Variants in BACH2 observed in about 807,000 individuals in gnomAD.
BACH2 encodes transcription regulator protein BACH2.
BACH2 carries 5 observed loss-of-function variants against 61.8 expected under a neutral mutation model. That is an observed-to-expected ratio of 0.08 (90% CI 0.04 to 0.17). BACH2 has a LOEUF of 0.17. Ranked by LOEUF, BACH2 falls within the 10% of genes least tolerant of loss-of-function variation. The probability of loss-of-function intolerance (pLI) is 1.00; values close to 1 mark genes in which losing one functional copy is unlikely to be tolerated. For missense variants in BACH2, 824 were observed against 1,091.1 expected (o/e 0.76, Z 3.45); for synonymous variants, 446 against 440.1 (o/e 1.01, Z -0.17).
At chr6:90,103,190 A>G (rs1403911803) in intron 4 of BACH2, among the ~76,000 whole-genome samples, 1 of 151,662 alleles carries the variant, frequency 6.6e-6, no homozygotes, top group African/African-American at 2.4e-5. Context: ...GGATCAAAAT[A>G]TCACACTTTG....
In BACH2 at chr6:90,032,277, A is replaced by G. The variant is rs1185928915; in HGVS notation, c.-12-23421T>C. ...CCTAAAAGAAAACCTAGGCAATACC[A>G]TTCAGGACATAGGCATGGGCAAGTA... is the stretch of plus-strand genomic sequence containing the variant. On this transcript the variant is annotated intron_variant, in intron 5 of 8. Transcript: ENST00000257749. 2.0e-5 allele frequency among the ~76,000 whole-genome samples: 3 copies of G among 149,982 alleles called. No individual in the cohort carries two copies. In the East Asian group the frequency reaches 5.9e-4, roughly 30 times the overall value.
intron 6 of BACH2, among the ~76,000 whole-genome samples, chr6:89,996,231 T>C (rs1264151295): frequency 6.6e-6 from 1 of 152,204 alleles, no homozygotes; most frequent in Admixed American, 6.5e-5. Flanking sequence ...TTGGTATCTC[T>C]GAAAGGCCCC....
At chr6:90,029,118 C>A (rs116917379) in intron 5 of BACH2, among the ~76,000 whole-genome samples, 3 of 152,166 alleles carry the variant, frequency 2.0e-5, no homozygotes, top group Non-Finnish European at 4.4e-5. Context: ...CCCAGACTCT[C>A]CCGGCCTGCT....
chr6:89,962,705 C>T (rs1379440045), intron 6 of BACH2, among the ~76,000 whole-genome samples: 2 of 152,120 alleles, frequency 1.3e-5, no homozygotes, highest in Non-Finnish European at 2.9e-5. Context: ...TAATTTCTAC[C>T]TTTTTCTTGT....
At chr6:90,256,337 T>G (rs1770977960) in intron 2 of BACH2, among the ~76,000 whole-genome samples, 1 of 152,228 alleles carries the variant, frequency 6.6e-6, no homozygotes, top group Non-Finnish European at 1.5e-5. Context: ...TTTCTAGGCC[T>G]AATTTCTATG....
rs895986220 is a variant in BACH2, at chr6:90,282,889, G to C, written c.-445-10948C>G. Among the ~76,000 whole-genome samples the C allele has an allele frequency of 2.6e-5, 4 of 152,334 alleles. No homozygotes were observed. In the East Asian group the frequency reaches 5.8e-4, roughly 22 times the overall value. On this transcript the variant is annotated intron_variant, in intron 1 of 8. Transcript: ENST00000257749. Reference sequence around the variant, plus strand: ...GTGTATACCTAGGGGTAAGATGGCTGTGTTGTAAGTTATTTGCAGGTTGAA... The same window carrying C: ...GTGTATACCTAGGGGTAAGATGGCTCTGTTGTAAGTTATTTGCAGGTTGAA...
chr6:90,009,341 G>A (rs576368610), intron 5 of BACH2, among the ~76,000 whole-genome samples: 33 of 152,346 alleles, frequency 2.2e-4, no homozygotes, highest in African/African-American at 7.7e-4. Flanking sequence ...AAATTTGGCT[G>A]AGATGCCAAG....
At chr6:90,241,560 A>G (rs1770453391) in intron 3 of BACH2, among the ~76,000 whole-genome samples, 1 of 152,274 alleles carries the variant, frequency 6.6e-6, no homozygotes, top group Non-Finnish European at 1.5e-5. Flanking sequence ...TAAAACATTT[A>G]GCACAATGGC....
At chr6:89,994,576 C>T (rs1322999009) in intron 6 of BACH2, among the ~76,000 whole-genome samples, 1 of 152,108 alleles carries the variant, frequency 6.6e-6, no homozygotes, top group African/African-American at 2.4e-5. Context: ...TGAAGAGCCC[C>T]GAGTTGGACG....
intron 4 of BACH2, among the ~76,000 whole-genome samples, chr6:90,140,887 A>T (rs2127826621): frequency 6.6e-6 from 1 of 152,364 alleles, no homozygotes; most frequent in African/African-American, 2.4e-5. Flanking sequence ...CTGACTCAGC[A>T]ATTCTATTTC....
At chr6:90,084,708 C>T (rs1279365263) in intron 5 of BACH2, among the ~76,000 whole-genome samples, 1 of 152,024 alleles carries the variant, frequency 6.6e-6, no homozygotes. Context: ...ATATATTGTA[C>T]TTTAACAAAT....
intron 4 of BACH2, among the ~76,000 whole-genome samples, chr6:90,164,686 C>A (rs1208770653): frequency 6.6e-6 from 1 of 152,148 alleles, no homozygotes; most frequent in Non-Finnish European, 1.5e-5. Context: ...CAAAACAAAT[C>A]CAGCAGCACA....
chr6:89,995,640 C>T (rs1178076487), intron 6 of BACH2, among the ~76,000 whole-genome samples: 1 of 152,184 alleles, frequency 6.6e-6, no homozygotes, highest in African/African-American at 2.4e-5. Context: ...ATCAAACATT[C>T]ACCTTAATGG....
At chr6:90,071,550 A>T (rs1781227601) in intron 5 of BACH2, among the ~76,000 whole-genome samples, 1 of 152,268 alleles carries the variant, frequency 6.6e-6, no homozygotes, top group African/African-American at 2.4e-5. Flanking sequence ...AGAACATGGC[A>T]GTACAGCCTT....
In BACH2 at chr6:89,959,508, C is replaced by T. The variant is rs146751205; in HGVS notation, c.244-7646G>A. ...ATGTACTTGTAGTTTTTTCCTAAAT[C>T]ATGACTCAATACAAACTTTTTAAAT... On this transcript the variant is annotated intron_variant, in intron 6 of 8. Transcript: ENST00000257749. Among the ~76,000 whole-genome samples, 419 of 152,236 alleles carry T rather than the reference C, an allele frequency of 2.8e-3. 2 individuals carry two copies. Among genetic ancestry groups the T allele is most frequent in the Middle Eastern group, 0.024 (7 of 294 alleles).
At chr6:90,267,152 C>T (rs1404600088) in intron 2 of BACH2, among the ~76,000 whole-genome samples, 1 of 152,110 alleles carries the variant, frequency 6.6e-6, no homozygotes, top group Non-Finnish European at 1.5e-5. Flanking sequence ...TTGTTCTTTT[C>T]CCATGTCCTC....
intron 6 of BACH2, among the ~76,000 whole-genome samples, chr6:89,981,192 C>A (rs112793830): frequency 1.3e-5 from 2 of 150,136 alleles, no homozygotes; most frequent in Non-Finnish European, 3.0e-5. Flanking sequence ...AGTGCAGTGG[C>A]GTGATCTCGG....
intron 4 of BACH2, among the ~76,000 whole-genome samples, chr6:90,196,081 G>C (rs1258173610): frequency 6.6e-6 from 1 of 151,176 alleles, no homozygotes; most frequent in Non-Finnish European, 1.5e-5. Flanking sequence ...TGAAGGTAGC[G>C]AGAGAATGAG....
At chr6:90,183,885 G>A (rs1768255595) in intron 4 of BACH2, among the ~76,000 whole-genome samples, 1 of 152,174 alleles carries the variant, frequency 6.6e-6, no homozygotes, top group South Asian at 2.1e-4. Context: ...AATTTCAAAG[G>A]TGCCTTAGTC....
Sources: gnomAD v4.1 joint callset for allele counts (sites outside exome capture counted in the v4.1 genomes callset) on GRCh38, gnomAD v4.1.1 for gene constraint, MANE v1.5 for transcripts, NCBI Gene and HGNC (gene_info 2026-07-23, HGNC 2026-07-21) for gene names.